ZNF682: variants seen among roughly 807,000 people sequenced by gnomAD.
ZNF682 encodes the protein zinc finger protein 682.
A neutral mutation model predicts 36.5 loss-of-function variants in ZNF682; 29 were observed. The observed-to-expected ratio is 0.80, with a 90% CI of 0.59 to 1.08. The LOEUF is 1.08. Ranked by LOEUF, ZNF682 falls within the 50% of genes least tolerant of loss-of-function variation. The pLI, the probability that ZNF682 is intolerant of heterozygous loss-of-function variation, is 0.00. For synonymous variants in ZNF682, 180 were observed against 197.0 expected (o/e 0.91, Z 0.72); for missense variants, 561 against 579.7 (o/e 0.97, Z 0.33).
chr19:20,020,306 G>A (rs1027090025), intron 3 of ZNF682, among the ~76,000 whole-genome samples: 5 of 152,014 alleles, frequency 3.3e-5, no homozygotes, highest in South Asian at 4.1e-4. Context: ...GACCAGCCTG[G>A]CCAACATGGT....
exon 4 of ZNF682, chr19:19,997,185 T>C (rs1387963051): frequency 7.5e-6 from 3 of 398,578 alleles, no homozygotes; most frequent in East Asian, 3.6e-5. Flanking sequence ...GTTTCCAGGG[T>C]TCTCCATCAG....
At chr19:20,022,555 C>T (rs569063461) in intron 3 of ZNF682, among the ~76,000 whole-genome samples, 1 of 151,490 alleles carries the variant, frequency 6.6e-6, no homozygotes, top group South Asian at 2.1e-4. Flanking sequence ...CCCAGCTACT[C>T]GGGAGGCTGA....
chr19:20,005,885 C>G lies in ZNF682; in HGVS notation c.*120G>C, dbSNP rs2088210306. The G allele has an allele frequency of 3.0e-6, 3 of 997,288 alleles. No individual in the cohort carries two copies. The highest frequency in any genetic ancestry group is 3.6e-5 in the South Asian group (2 of 56,204). 61.8% of individuals were successfully genotyped at this position (997,288 alleles called of 1,614,324 possible). A position where few individuals can be genotyped will look rare whatever the true frequency, so the allele number is the denominator to read the frequency against. ...AATGGTTGAAGACTTTCCCCACATT[C>G]TTCACATTTGTAGTGTTTCTCTCCA... On this transcript the variant is annotated 3_prime_UTR_variant, in exon 4 of 4. Transcript: ENST00000397165.
chr19:19,995,134 T>A (rs2088122074), downstream of ZNF682, among the ~76,000 whole-genome samples: 1 of 152,192 alleles, frequency 6.6e-6, no homozygotes, highest in African/African-American at 2.4e-5. Flanking sequence ...ACAATACTTT[T>A]AAGGGTAAGA....
At chr19:19,997,352 C>A in intron 3 of ZNF682, 1 of 398,172 alleles carries the variant, frequency 2.5e-6, no homozygotes. Context: ...AATAAGAGTA[C>A]TTGAAGTGGG....
downstream of ZNF682, among the ~76,000 whole-genome samples, chr19:20,002,496 C>T (rs2088175155): frequency 6.6e-6 from 1 of 152,196 alleles, no homozygotes; most frequent in South Asian, 2.1e-4. Context: ...ATATTAAGCA[C>T]TTAACTTGCG....
intron 1 of ZNF682, among the ~76,000 whole-genome samples, chr19:20,032,595 G>T (rs1470797228): frequency 6.6e-6 from 1 of 152,042 alleles, no homozygotes; most frequent in Non-Finnish European, 1.5e-5. Context: ...ATCATACCTG[G>T]TCATTTCAGA....
Position 20,007,205 on chromosome 19 carries a change from T to C in ZNF682, c.297A>G (p.Ile99Met). The change falls in exon 4 of 4, where the codon ATA becomes ATG. Residue 99 changes from isoleucine (I) to methionine (M), a missense_variant. Ile to Met is a conservative substitution (Grantham distance 10). Coordinates refer to ENST00000397165, the MANE Select transcript of ZNF682 (RefSeq NM_033196.3). The part of the protein sequence containing the change: ...QCMQDSFQKV[I>M]LRRYGSCGLE... ...GTCCACAGCTTCCATATCTTCTCAG[T>C]ATCACTTTTTGGAATGAATCTTGCA... 1 of 1,613,704 alleles carries C rather than the reference T, an allele frequency of 6.2e-7. No homozygotes were observed. The highest frequency in any genetic ancestry group is 1.7e-4 in the Middle Eastern group (1 of 6,060).
chr19:20,013,472 A>C (rs1194848261), intron 3 of ZNF682, among the ~76,000 whole-genome samples: 1 of 152,250 alleles, frequency 6.6e-6, no homozygotes, highest in African/African-American at 2.4e-5. Flanking sequence ...AGCACTCTAA[A>C]AATTACACCT....
intron 3 of ZNF682, among the ~76,000 whole-genome samples, chr19:20,012,240 G>A (rs958615214): frequency 1.4e-4 from 22 of 151,888 alleles, no homozygotes; most frequent in African/African-American, 5.3e-4. Flanking sequence ...TCAAATCAGA[G>A]CAGAACAAAA....
At chr19:20,016,504 A>G (rs1459365699) in intron 3 of ZNF682, among the ~76,000 whole-genome samples, 1 of 152,168 alleles carries the variant, frequency 6.6e-6, no homozygotes, top group Non-Finnish European at 1.5e-5. Flanking sequence ...AAAACTATTA[A>G]AAGTATTTTT....
chr19:20,017,321 C>G (rs1438127204), intron 3 of ZNF682, among the ~76,000 whole-genome samples: 3 of 152,080 alleles, frequency 2.0e-5, no homozygotes, highest in Admixed American at 1.3e-4. Flanking sequence ...TTAGGGGACT[C>G]ATTTTAGTTT....
intron 1 of ZNF682, among the ~76,000 whole-genome samples, chr19:20,028,979 A>ATTTT (rs10651551): frequency 4.3e-5 from 6 of 138,780 alleles, no homozygotes; most frequent in Admixed American, 7.4e-5. Flanking sequence ...TCTATCACTG[A>ATTTT]TTTTTTTTTT....
In ZNF682 at chr19:20,023,017, T is replaced by TATGA. The variant is rs1412832407; in HGVS notation, c.212_213insTCAT (p.Ala72HisfsTer13). On this transcript the variant is annotated frameshift_variant, in exon 3 of 4. Coordinates refer to ENST00000397165, the MANE Select transcript of ZNF682 (RefSeq NM_033196.3). LOFTEE classifies it low-confidence loss of function (END_TRUNC). ...CATCCAACCTACCTGGGGGTTTGGC[T>TATGA]ATGGTCTCATGTCTCTTCACATTCC... 1 of 1,613,590 alleles carries TATGA rather than the reference T, an allele frequency of 6.2e-7. No individual in the cohort carries two copies. Among genetic ancestry groups the TATGA allele is most frequent in the Non-Finnish European group, 8.5e-7 (1 of 1,179,646 alleles).
chr19:20,007,206 A>G lies in ZNF682; in HGVS notation c.296T>C (p.Ile99Thr). The G allele has an allele frequency of 1.2e-6, 2 of 1,613,704 alleles. No homozygotes were observed. The highest frequency in any genetic ancestry group is 1.1e-5 in the South Asian group (1 of 91,068). Residue 99 changes from isoleucine (I) to threonine (T), a missense_variant, in exon 4 of 4, where the codon ATA becomes ACA. Physicochemically the swap from Ile to Thr is moderately conservative, Grantham distance 89. Transcript: ENST00000397165. ...TCCACAGCTTCCATATCTTCTCAGT[A>G]TCACTTTTTGGAATGAATCTTGCAT... ...QCMQDSFQKV[I>T]LRRYGSCGLE...
intron 3 of ZNF682, among the ~76,000 whole-genome samples, chr19:20,018,012 TA>T (rs2088349143): frequency 6.7e-6 from 1 of 150,122 alleles, no homozygotes; most frequent in African/African-American, 2.4e-5. Context: ...ATGTAATATC[TA>T]TCAAAATCTC....
chr19:20,032,885 A>T (rs1255890526), intron 1 of ZNF682, among the ~76,000 whole-genome samples: 2 of 152,194 alleles, frequency 1.3e-5, no homozygotes, highest in African/African-American at 2.4e-5. Context: ...ATGAAAGATA[A>T]ACTTCCCACA....
chr19:20,020,156 T>C (rs1348330686), intron 3 of ZNF682, among the ~76,000 whole-genome samples: 3 of 152,112 alleles, frequency 2.0e-5, no homozygotes, highest in Non-Finnish European at 4.4e-5. Context: ...TGTTGGTGTG[T>C]TGTAAACTGG....
rs557859211 is a variant in ZNF682 at position 20,035,418 on chromosome 19, G to A, written c.3+3925C>T. Among the ~76,000 whole-genome samples, 75 of 151,918 alleles carry A rather than the reference G, an allele frequency of 4.9e-4. 2 individuals carry two copies. The highest frequency in any genetic ancestry group is 1.0e-3 in the Non-Finnish European group (69 of 67,994). On this transcript the variant is annotated intron_variant, in intron 1 of 3. Transcript: ENST00000397165. The stretch of plus-strand genomic sequence containing the variant: ...TTTTTGTATTTTTAGTAGACACATG[G>A]TTTCACCATGGTGGCCAGGCTGGTC...
Sources: gnomAD v4.1 joint callset for allele counts (sites outside exome capture counted in the v4.1 genomes callset) on GRCh38, gnomAD v4.1.1 for gene constraint, MANE v1.5 for transcripts, NCBI Gene and HGNC (gene_info 2026-07-23, HGNC 2026-07-21) for gene names.